FANCA: variants seen among roughly 807,000 people sequenced by gnomAD.
The protein encoded by FANCA is FA complementation group A, also known as Fanconi anemia group A protein.
In FANCA, 236 loss-of-function variants were observed where a neutral mutation model predicts 194.3. The observed-to-expected ratio is 1.21, with a 90% CI of 1.09 to 1.35. The LOEUF is 1.35. Ranked by LOEUF, FANCA falls within the 40% of genes most tolerant of loss-of-function variation. The pLI, the probability that FANCA is intolerant of heterozygous loss-of-function variation, is 0.00. For synonymous variants in FANCA, 1,014 were observed against 715.8 expected, an observed-to-expected ratio of 1.42 and a Z score of -6.65; for missense variants, 2,628 against 1,813.9, an observed-to-expected ratio of 1.45 and a Z score of -8.15.
chr16:89,755,678 A>G (rs1022683705), intron 30 of FANCA, among the ~76,000 whole-genome samples: 1 of 152,274 alleles, frequency 6.6e-6, no homozygotes, highest in Non-Finnish European at 1.5e-5. Context: ...TATATTTGAT[A>G]AGAACTTTAT....
intron 10 of FANCA, among the ~76,000 whole-genome samples, chr16:89,797,581 T>C (rs1464961511): frequency 6.6e-6 from 1 of 151,914 alleles, no homozygotes; most frequent in Non-Finnish European, 1.5e-5. Flanking sequence ...GATGTCTGAT[T>C]TTAAATTATT....
intron 20 of FANCA, among the ~76,000 whole-genome samples, chr16:89,776,861 C>T (rs948922162): frequency 3.3e-5 from 5 of 151,886 alleles, no homozygotes; most frequent in African/African-American, 1.2e-4. Context: ...AAAAATAAAA[C>T]GCATTAGTTC....
chr16:89,750,531 G>A (rs1453650995), intron 31 of FANCA, among the ~76,000 whole-genome samples: 1 of 151,684 alleles, frequency 6.6e-6, no homozygotes, highest in Admixed American at 6.6e-5. Flanking sequence ...GCTCACGCCT[G>A]TAATCCCAGA....
At chr16:89,752,872 C>G (rs1051187072) in intron 30 of FANCA, among the ~76,000 whole-genome samples, 1 of 152,128 alleles carries the variant, frequency 6.6e-6, no homozygotes, top group African/African-American at 2.4e-5. Flanking sequence ...ACTTAGCAGA[C>G]CGGGAAAGGG....
intron 31 of FANCA, among the ~76,000 whole-genome samples, chr16:89,750,263 C>T (rs1024416801): frequency 2.0e-5 from 3 of 151,802 alleles, no homozygotes; most frequent in Non-Finnish European, 2.9e-5. Flanking sequence ...AGGAGGATCA[C>T]GAGGTCAGGA....
intron 6 of FANCA, among the ~76,000 whole-genome samples, 189 bp downstream of exon 6, chr16:89,808,105 T>C (rs1383537907): frequency 1.3e-5 from 2 of 151,680 alleles, no homozygotes; most frequent in Non-Finnish European, 2.9e-5. Context: ...ACCATAAACG[T>C]TCTCTTGAAA....
intron 3 of FANCA, among the ~76,000 whole-genome samples, chr16:89,812,924 T>G (rs140348799): frequency 0.07 from 10,523 of 150,638 alleles, 993 homozygotes; most frequent in African/African-American, 0.21. Flanking sequence ...TCCCAGCTAT[T>G]CGGGAGGCTG....
At position 89,770,239 on chromosome 16, in the gene FANCA, A is replaced by G; in HGVS notation, c.2243T>C (p.Leu748Pro). 6.3e-7 allele frequency: 1 copy of G among 1,581,760 alleles called. No individual in the cohort carries two copies. Among genetic ancestry groups the G allele is most frequent in the African/African-American group, 1.3e-5 (1 of 74,712 alleles). Residue 748 changes from leucine to proline, a missense_variant, in exon 25 of 43, where the codon CTC (leucine) becomes CCC (proline). Coordinates refer to ENST00000389301, the MANE Select transcript of FANCA (RefSeq NM_000135.4). ...ACGTCCACACATGGTCCTCACGAAG[A>G]GGGCAGCCCAGGGACCCTGCCTGCA... Reference protein sequence around the residue: ...PPERQGPWAALFVRTMCGRVL... With the variant: ...PPERQGPWAAPFVRTMCGRVL...
rs1598116392 is a variant in FANCA, at chr16:89,773,353, G to A, written c.1932C>T (p.Asn644=). 1.3e-6 allele frequency: 2 copies of A among 1,551,578 alleles called. No homozygotes were observed. Among genetic ancestry groups the A allele is most frequent in the Admixed American group, 2.0e-5 (1 of 51,010 alleles). ...DAALGVRAEP[N]SAEEPLGQLT... is the part of the protein sequence containing the mutation. ...GCTGTCCCAGGGGCTCCTCAGCAGA[G>A]TTGGGTTCTGCCCTCACTCCCAGGG... Residue 644 remains asparagine (N), a synonymous_variant, in exon 22 of 43, where the codon AAC becomes AAT. Transcript: ENST00000389301.
chr16:89,767,175 A>C lies in FANCA; in HGVS notation c.2567T>G (p.Leu856Trp). 1 of 1,613,898 alleles carries C rather than the reference A, an allele frequency of 6.2e-7. No homozygotes were observed. Among genetic ancestry groups the C allele is most frequent in the Non-Finnish European group, 8.5e-7 (1 of 1,179,756 alleles). ...AAGGCCTGGAGATAAGCAGCTGCAC[A>C]AAGTATCTCGTGACTGGGAAGAAAA... ...CKFSSQSRDT[L>W]CSCLSPGLIK... Residue 856 changes from leucine to tryptophan, a missense_variant, in exon 27 of 43, where the codon TTG becomes TGG. Transcript: ENST00000389301.
intron 17 of FANCA, among the ~76,000 whole-genome samples, chr16:89,781,484 T>C (rs570426089): frequency 2.9e-4 from 43 of 147,694 alleles, no homozygotes; most frequent in African/African-American, 8.3e-4. Context: ...CCATCCTGGA[T>C]AACATGGTGA....
chr16:89,775,932 C>A (rs1478306960), intron 20 of FANCA, 117 bp from the exon 21 acceptor site: 3 of 611,096 alleles, frequency 4.9e-6, no homozygotes, highest in Non-Finnish European at 8.4e-6. Context: ...ATTATAAATA[C>A]TGTGTACAGT....
In FANCA at chr16:89,767,162, T is replaced by C. The variant is rs1852141936; in HGVS notation, c.2580A>G (p.Leu860=). ...CTACCTTTTTAATAAGGCCTGGAGA[T>C]AAGCAGCTGCACAAAGTATCTCGTG... is the stretch of plus-strand genomic sequence containing the variant. ...SQSRDTLCSC[L]SPGLIKKFQF... The change falls in exon 27 of 43, where the codon TTA becomes TTG. Residue 860 remains leucine, a synonymous_variant. Transcript: ENST00000389301. 1 of 1,612,252 alleles carries C rather than the reference T, an allele frequency of 6.2e-7. No homozygotes were observed.
At chr16:89,784,480 G>A (rs961773236) in intron 15 of FANCA, among the ~76,000 whole-genome samples, 12 of 147,544 alleles carry the variant, frequency 8.1e-5, no homozygotes, top group South Asian at 2.1e-4. Context: ...AGTACAACTC[G>A]CTCTTCCTGC....
chr16:89,814,681 G>A (rs1449793762), intron 2 of FANCA, 68 bp from the exon 3 acceptor site: 22 of 1,136,800 alleles, frequency 1.9e-5, no homozygotes, highest in East Asian at 4.7e-5. Flanking sequence ...AGTGGCTCAC[G>A]CCTGTAATCC....
At chr16:89,781,246 C>A (rs2039690129) in intron 17 of FANCA, among the ~76,000 whole-genome samples, 1 of 150,220 alleles carries the variant, frequency 6.7e-6, no homozygotes, top group African/African-American at 2.5e-5. Context: ...TGCCTGTAGT[C>A]CCAGCTACTC....
rs62704561 is a variant in FANCA, at chr16:89,737,928, T to A, written c.*673A>T. ...GCAGTAAGTGTGAGTCAGGACCCCC[T>A]CCCAGGGCTGTGGCCCTCGCACCTT... On this transcript the variant is annotated 3_prime_UTR_variant, in exon 43 of 43. Coordinates refer to ENST00000389301, the MANE Select transcript of FANCA (RefSeq NM_000135.4). 3.2e-6 allele frequency: 2 copies of A among 629,268 alleles called. No individual in the cohort carries two copies. Among genetic ancestry groups the A allele is most frequent in the South Asian group, 3.1e-5 (1 of 31,976 alleles). 39.0% of individuals were successfully genotyped at this position (629,268 alleles called of 1,614,324 possible).
intron 30 of FANCA, among the ~76,000 whole-genome samples, chr16:89,756,671 A>C (rs565204388): frequency 1.3e-5 from 2 of 152,296 alleles, no homozygotes; most frequent in African/African-American, 4.8e-5. Context: ...ACAAACAAAC[A>C]AAGTGAATGG....
At chr16:89,739,844 A>T (rs1567594610) in intron 39 of FANCA, 150 bp downstream of exon 39, 1 of 1,505,804 alleles carries the variant, frequency 6.6e-7, no homozygotes, top group Non-Finnish European at 8.8e-7. Flanking sequence ...ATTGCTTTAA[A>T]CAAGTTTGTG....
Sources: gnomAD v4.1 joint callset for allele counts (sites outside exome capture counted in the v4.1 genomes callset) on GRCh38, gnomAD v4.1.1 for gene constraint, MANE v1.5 for transcripts, NCBI Gene and HGNC (gene_info 2026-07-23, HGNC 2026-07-21) for gene names.